PLCB4: variants seen among roughly 807,000 people sequenced by gnomAD.
The protein encoded by PLCB4 is 1-phosphatidylinositol 4,5-bisphosphate phosphodiesterase beta-4.
Under a neutral mutation model 178.8 loss-of-function variants are expected in PLCB4, and 77 were observed. The observed-to-expected ratio is 0.43, with a 90% confidence interval of 0.36 to 0.52. PLCB4 has a LOEUF of 0.52. Among genes scored for constraint, PLCB4 ranks in the 20% least tolerant of loss-of-function variants. PLCB4 has a pLI of 0.00. For synonymous variants in PLCB4, 496 were observed against 490.8 expected (o/e 1.01, Z -0.14); for missense variants, 1,024 against 1,453.4 (o/e 0.70, Z 4.80).
intron 9 of PLCB4, among the ~76,000 whole-genome samples, chr20:9,369,929 CA>C (rs1327156734): frequency 1.3e-5 from 2 of 152,190 alleles, no homozygotes; most frequent in Non-Finnish European, 2.9e-5. Flanking sequence ...ACTCCATCCT[CA>C]AGTCAAGCTG....
chr20:9,428,312 G>A (rs899592638), intron 28 of PLCB4, among the ~76,000 whole-genome samples: 1 of 152,092 alleles, frequency 6.6e-6, no homozygotes, highest in Non-Finnish European at 1.5e-5. Context: ...GGCCTTTTCT[G>A]TACTACAGAA....
intron 38 of PLCB4, among the ~76,000 whole-genome samples, chr20:9,475,833 A>C (rs560803453): frequency 2.6e-5 from 4 of 152,306 alleles, no homozygotes; most frequent in African/African-American, 9.6e-5. Flanking sequence ...TCCTCATAAA[A>C]AGGCAAGGTC....
At chr20:9,125,773 G>A (rs959730380) in intron 2 of PLCB4, among the ~76,000 whole-genome samples, 11 of 152,190 alleles carry the variant, frequency 7.2e-5, no homozygotes, top group South Asian at 2.1e-4. Context: ...CTCTATATGC[G>A]TATACACATA....
intron 3 of PLCB4, among the ~76,000 whole-genome samples, chr20:9,245,953 G>A (rs1270590117): frequency 6.6e-6 from 1 of 152,118 alleles, no homozygotes; most frequent in African/African-American, 2.4e-5. Context: ...TTTTTAAGCT[G>A]TCTAGTTGGT....
intron 2 of PLCB4, among the ~76,000 whole-genome samples, chr20:9,182,479 C>T (rs561239945): frequency 8.0e-4 from 122 of 152,306 alleles, no homozygotes; most frequent in Non-Finnish European, 1.4e-3. Flanking sequence ...ACTCAAGTCT[C>T]AGTAACCCGG....
intron 3 of PLCB4, among the ~76,000 whole-genome samples, chr20:9,294,984 G>A (rs2094617226): frequency 6.6e-6 from 1 of 152,124 alleles, no homozygotes; most frequent in Non-Finnish European, 1.5e-5. Flanking sequence ...AACTTAAGCT[G>A]AGGAAGAGGT....
At chr20:9,389,477 C>T (rs2037955141) in intron 15 of PLCB4, among the ~76,000 whole-genome samples, 1 of 152,176 alleles carries the variant, frequency 6.6e-6, no homozygotes, top group African/African-American at 2.4e-5. Flanking sequence ...CCACACTTTT[C>T]TGCATGAGGT....
intron 38 of PLCB4, among the ~76,000 whole-genome samples, chr20:9,474,446 T>A (rs1683451425): frequency 1.3e-5 from 2 of 152,194 alleles, no homozygotes; most frequent in Admixed American, 6.5e-5. Flanking sequence ...CTCTCTCAGT[T>A]CAAATGTTAT....
At position 9,141,853 on chromosome 20, in the gene PLCB4, A is replaced by C. The variant is rs1209228853; in HGVS notation, c.-79+45511A>C. Among the ~76,000 whole-genome samples, 3 of 152,186 alleles carry C rather than the reference A, an allele frequency of 2.0e-5. No individual in the cohort carries two copies. The East Asian group carries it at 5.8e-4, about 30-fold the overall frequency. ...CTCCATGGATGAGTAGATTTAGGAAAAGTTGCCTAGAAAGTAGAGGGAGAG... is the reference window on the plus strand; with the variant it reads ...CTCCATGGATGAGTAGATTTAGGAACAGTTGCCTAGAAAGTAGAGGGAGAG... On this transcript the variant is annotated intron_variant, in intron 2 of 39. Transcript: ENST00000378473.
chr20:9,134,623 G>A (rs144674667), intron 2 of PLCB4, among the ~76,000 whole-genome samples: 329 of 152,100 alleles, frequency 2.2e-3, no homozygotes, highest in African/African-American at 7.5e-3. Flanking sequence ...TCTGCCTCCC[G>A]TTTCCAATAC....
At chr20:9,355,807 T>C (rs2034759175) in intron 7 of PLCB4, among the ~76,000 whole-genome samples, 1 of 152,118 alleles carries the variant, frequency 6.6e-6, no homozygotes, top group African/African-American at 2.4e-5. Flanking sequence ...TTTGGGTATA[T>C]ACCCAGTAAT....
intron 3 of PLCB4, among the ~76,000 whole-genome samples, chr20:9,220,407 G>A (rs372767477): frequency 6.6e-6 from 1 of 152,150 alleles, no homozygotes; most frequent in Non-Finnish European, 1.5e-5. Context: ...CGAGGCATGC[G>A]GATCACCTGA....
At chr20:9,118,843 C>T (rs959961811) in intron 2 of PLCB4, among the ~76,000 whole-genome samples, 49 of 152,306 alleles carry the variant, frequency 3.2e-4, no homozygotes, top group Admixed American at 1.8e-3. Context: ...GGCATTAGCA[C>T]ATATCCTTTA....
chr20:9,194,585 C>T (rs971460683), intron 2 of PLCB4, among the ~76,000 whole-genome samples: 1 of 145,280 alleles, frequency 6.9e-6, no homozygotes, highest in South Asian at 2.2e-4. Flanking sequence ...CCCAGCTACT[C>T]GGGAGGCTGA....
At chr20:9,397,398 T>C (rs556247803) in intron 19 of PLCB4, among the ~76,000 whole-genome samples, 1 of 152,126 alleles carries the variant, frequency 6.6e-6, no homozygotes, top group East Asian at 1.9e-4. Context: ...TCCATGGGAG[T>C]CTCCCAAACT....
intron 3 of PLCB4, among the ~76,000 whole-genome samples, chr20:9,271,252 G>T (rs548902361): frequency 6.6e-6 from 1 of 152,206 alleles, no homozygotes; most frequent in East Asian, 1.9e-4. Context: ...AACTTTCTCA[G>T]GCTCAGCTGA....
At chr20:9,389,858 C>A in intron 15 of PLCB4, 21 bp from the exon 16 acceptor site, 1 of 1,365,146 alleles carries the variant, frequency 7.3e-7, no homozygotes, top group Non-Finnish European at 1.0e-6. Flanking sequence ...CTCTCATTAA[C>A]GTTTTTTTTT....
At chr20:9,262,193 A>G (rs2094304596) in intron 3 of PLCB4, among the ~76,000 whole-genome samples, 1 of 152,184 alleles carries the variant, frequency 6.6e-6, no homozygotes, top group Non-Finnish European at 1.5e-5. Flanking sequence ...GTGCCATCTG[A>G]GAACCATTAA....
chr20:9,167,470 A>G (rs896120311), intron 2 of PLCB4, among the ~76,000 whole-genome samples: 2 of 152,140 alleles, frequency 1.3e-5, no homozygotes, highest in African/African-American at 4.8e-5. Context: ...CCATATTCAG[A>G]TGGGTAAAAT....
Sources: allele counts gnomAD v4.1 joint callset (sites outside exome capture counted in the v4.1 genomes callset), GRCh38; gene constraint gnomAD v4.1.1; transcripts MANE v1.5; gene names NCBI Gene and HGNC (gene_info 2026-07-23, HGNC 2026-07-21).